The following TRAPPC3L variants were observed in gnomAD, a reference collection of about 807,000 sequenced individuals.
The protein encoded by TRAPPC3L is trafficking protein particle complex subunit 3-like protein.
TRAPPC3L carries 23 observed loss-of-function variants against 23.7 expected under a neutral mutation model. That is an observed-to-expected ratio of 0.97 (90% CI 0.70 to 1.37). The LOEUF (loss-of-function observed/expected upper bound fraction) is 1.37. TRAPPC3L is among the 40% of genes most tolerant of loss of function. TRAPPC3L has a pLI of 0.00. For missense variants in TRAPPC3L, 212 were observed against 216.8 expected, an observed-to-expected ratio of 0.98 and a Z score of 0.14; for synonymous variants, 81 against 77.9, an observed-to-expected ratio of 1.04 and a Z score of -0.21.
At chr6:116,530,216 A>AC (rs990967989) in intron 3 of TRAPPC3L, among the ~76,000 whole-genome samples, 11 of 151,466 alleles carry the variant, frequency 7.3e-5, no homozygotes, top group Non-Finnish European at 1.0e-4. Context: ...GGAACAAACC[A>AC]CCCCCCCTCC....
At chr6:116,518,615 GA>G in intron 3 of TRAPPC3L, 1 of 152,226 alleles carries the variant, frequency 6.6e-6, no homozygotes, top group Non-Finnish European at 1.5e-5. Context: ...TTCTGAGCTG[GA>G]AAAAGACATA....
chr6:116,529,447 A>G (rs1315056622), intron 3 of TRAPPC3L, among the ~76,000 whole-genome samples: 2 of 152,022 alleles, frequency 1.3e-5, no homozygotes, highest in African/African-American at 4.8e-5. Context: ...GCCTCCATGC[A>G]CCCTCCTGCT....
intron 1 of TRAPPC3L, among the ~76,000 whole-genome samples, chr6:116,544,843 T>A (rs1773676754): frequency 6.6e-6 from 1 of 152,050 alleles, no homozygotes; most frequent in East Asian, 1.9e-4. Context: ...CCTGACATAA[T>A]TAACAGAATT....
intron 3 of TRAPPC3L, chr6:116,515,511 AT>A (rs1364873844): frequency 4.5e-6 from 6 of 1,332,224 alleles, no homozygotes; most frequent in Non-Finnish European, 6.2e-6. Context: ...GACTGTGGTA[AT>A]AATTTAGCTA....
intron 3 of TRAPPC3L, among the ~76,000 whole-genome samples, chr6:116,515,379 T>C (rs1243597086): frequency 1.3e-5 from 2 of 152,196 alleles, no homozygotes; most frequent in East Asian, 1.9e-4. Context: ...CCAGCAATGT[T>C]GGGGAGGAGA....
chr6:116,504,027 C>CA (rs1562336528), intron 3 of TRAPPC3L, among the ~76,000 whole-genome samples: 5 of 151,880 alleles, frequency 3.3e-5, no homozygotes, highest in Non-Finnish European at 7.4e-5. Flanking sequence ...AAGATCAGAG[C>CA]GGAACTGAAG....
chr6:116,510,187 A>G (rs774764605), intron 3 of TRAPPC3L, among the ~76,000 whole-genome samples: 22 of 152,218 alleles, frequency 1.4e-4, no homozygotes, highest in Non-Finnish European at 1.9e-4. Context: ...AGATATTGGT[A>G]TGAATTTTGT....
Position 116,496,935 on chromosome 6 carries a change from G to C in TRAPPC3L, c.*19C>G. The C allele has an allele frequency of 6.5e-7, 1 of 1,534,640 alleles. No homozygotes were observed. On this transcript the variant is annotated 3_prime_UTR_variant, in exon 5 of 5. Transcript: ENST00000368602. ...CATTAACTCAGCTAGCCGCCCCGTG[G>C]CATTTTCCGTGCTAGTCTTCATTTT...
At chr6:116,509,096 A>G (rs201056698) in intron 3 of TRAPPC3L, among the ~76,000 whole-genome samples, 45,504 of 142,974 alleles carry the variant, frequency 0.32, 7,848 homozygotes, top group East Asian at 0.49. Context: ...AGTTGTAAAA[A>G]AAAAAAAAAA....
In TRAPPC3L at chr6:116,500,656, T is replaced by G. The variant is rs751092748; in HGVS notation, c.251A>C (p.Lys84Thr). The stretch of plus-strand genomic sequence containing the variant: ...ACTTGGTGTAATTCCCAGGTACATC[T>G]TGAAAGCAACCTGATAAGAAAAAAA... The part of the protein sequence containing the change: ...IIDIIAQVAF[K>T]MYLGITPSVT... The change falls in exon 4 of 5, where the codon AAG becomes ACG. Residue 84 changes from lysine (K) to threonine (T), a missense_variant. By Grantham distance (78) the Lys-to-Thr change is moderately conservative. Transcript: ENST00000368602. 13 of 1,551,244 alleles carry G rather than the reference T, an allele frequency of 8.4e-6. 1 individual carries two copies. The South Asian group carries it at 1.4e-4, about 17-fold the overall frequency.
chr6:116,530,370 AACAC>A (rs1192655715), intron 3 of TRAPPC3L, among the ~76,000 whole-genome samples: 3 of 152,342 alleles, frequency 2.0e-5, no homozygotes, highest in East Asian at 3.9e-4. Flanking sequence ...GAAAAAAGAA[AACAC>A]ACAGAATGTC....
At chr6:116,532,622 C>T (rs1268130368) in intron 3 of TRAPPC3L, among the ~76,000 whole-genome samples, 2 of 152,236 alleles carry the variant, frequency 1.3e-5, no homozygotes, top group Non-Finnish European at 2.9e-5. Context: ...ATTATCATAA[C>T]TTTGGGAAAC....
intron 3 of TRAPPC3L, among the ~76,000 whole-genome samples, chr6:116,501,355 G>C (rs1771910073): frequency 6.6e-6 from 1 of 152,148 alleles, no homozygotes; most frequent in Non-Finnish European, 1.5e-5. Flanking sequence ...TAAACAAAAA[G>C]GCAGGGAAGA....
At chr6:116,497,196 G>T (rs531897574) in intron 4 of TRAPPC3L, 123 bp from the exon 5 acceptor site, 6 of 1,230,374 alleles carry the variant, frequency 4.9e-6, no homozygotes, top group Non-Finnish European at 6.6e-6. Flanking sequence ...AAGCTTGTTC[G>T]TGGATAAAGG....
chr6:116,537,070 G>T (rs6930134), intron 3 of TRAPPC3L, among the ~76,000 whole-genome samples: 61,405 of 151,886 alleles, frequency 0.4, 14,076 homozygotes, highest in Middle Eastern at 0.6. Context: ...TTTTGTTGGA[G>T]AAGTAAAAAT....
Position 116,500,207 on chromosome 6 carries a change from C to T in TRAPPC3L, c.426+274G>A, listed in dbSNP as rs542605226. Among the ~76,000 whole-genome samples, 13 of 152,330 alleles carry T rather than the reference C, an allele frequency of 8.5e-5. No individual in the cohort carries two copies. In the South Asian group the frequency reaches 2.3e-3, roughly 27 times the overall value. ...TCAGTCAAGTCGCCAGAGGTTGCAG[C>T]CCTGGCCAGCAGCTTGACTGCATGT... On this transcript the variant is annotated intron_variant, in intron 4 of 4. Transcript: ENST00000368602.
Position 116,545,643 on chromosome 6 carries a change from T to A in TRAPPC3L, c.-129A>T. Reference sequence around the variant, plus strand: ...CCTCGCTTTGAGACAGGAGTGCTGCTTCTGCACTCTGCTGCTTTTGCTCTT... The same window carrying A: ...CCTCGCTTTGAGACAGGAGTGCTGCATCTGCACTCTGCTGCTTTTGCTCTT... On this transcript the variant is annotated 5_prime_UTR_variant, in exon 1 of 5. The change creates a new upstream start codon in the 5' untranslated region. Transcript: ENST00000368602. 2 of 688,168 alleles carry A rather than the reference T, an allele frequency of 2.9e-6. No individual in the cohort carries two copies. The highest frequency in any genetic ancestry group is 4.7e-6 in the Non-Finnish European group (2 of 429,060). 42.6% of individuals were successfully genotyped at this position (688,168 alleles called of 1,614,324 possible). A position where few individuals can be genotyped will look rare whatever the true frequency, so the allele number is the denominator to read the frequency against.
chr6:116,520,184 AC>A, intron 3 of TRAPPC3L: 1 of 152,338 alleles, frequency 6.6e-6, no homozygotes, highest in Admixed American at 6.5e-5. Context: ...CTGATGATCC[AC>A]TGATTTACTC....
Position 116,498,914 on chromosome 6 carries a change from T to C in TRAPPC3L, c.426+1567A>G, listed in dbSNP as rs7760692. Among the ~76,000 whole-genome samples the C allele has an allele frequency of 2.1e-3, 323 of 152,338 alleles. 2 individuals carry two copies. The highest frequency in any genetic ancestry group is 7.6e-3 in the African/African-American group (317 of 41,576). ...CTTCCTATGGTTCTGTTACTCCCTTTTATTCTTGCTCTACAGACTCTGCCT... is the reference window on the plus strand; with the variant it reads ...CTTCCTATGGTTCTGTTACTCCCTTCTATTCTTGCTCTACAGACTCTGCCT... On this transcript the variant is annotated intron_variant, in intron 4 of 4. Transcript: ENST00000368602.
Sources: allele counts gnomAD v4.1 joint callset (sites outside exome capture counted in the v4.1 genomes callset), GRCh38; gene constraint gnomAD v4.1.1; transcripts MANE v1.5; gene names NCBI Gene and HGNC (gene_info 2026-07-23, HGNC 2026-07-21).